LRRC4C: variants seen among roughly 807,000 people sequenced by gnomAD.
LRRC4C encodes the protein leucine rich repeat containing 4C, also known as leucine-rich repeat-containing protein 4C.
Under a neutral mutation model 33.6 loss-of-function variants are expected in LRRC4C, and 5 were observed. The observed-to-expected ratio is 0.15, with a 90% CI of 0.08 to 0.31. The LOEUF (loss-of-function observed/expected upper bound fraction) is 0.31, where lower values mean the gene tolerates loss of function less well. Among genes scored for constraint, LRRC4C ranks in the 10% least tolerant of loss-of-function variants. LRRC4C has a pLI of 1.00. For missense variants in LRRC4C, 560 were observed against 796.7 expected, an observed-to-expected ratio of 0.70 and a Z score of 3.58; for synonymous variants, 329 against 302.0, an observed-to-expected ratio of 1.09 and a Z score of -0.93.
At chr11:41,178,785 C>T (rs1590851265) in intron 1 of LRRC4C, among the ~76,000 whole-genome samples, 1 of 152,214 alleles carries the variant, frequency 6.6e-6, no homozygotes, top group Non-Finnish European at 1.5e-5. Flanking sequence ...GTCACTGCAA[C>T]TTCTGCCTCC....
At chr11:40,149,601 T>C (rs535539257) in intron 5 of LRRC4C, among the ~76,000 whole-genome samples, 9 of 152,302 alleles carry the variant, frequency 5.9e-5, no homozygotes, top group African/African-American at 1.9e-4. Flanking sequence ...ACTATGGGGC[T>C]TTCCAGATAC....
At chr11:40,551,715 G>C (rs1328515448) in intron 3 of LRRC4C, among the ~76,000 whole-genome samples, 1 of 151,906 alleles carries the variant, frequency 6.6e-6, no homozygotes, top group Non-Finnish European at 1.5e-5. Context: ...ACTTCATCTG[G>C]TAGAATATAA....
At chr11:40,392,932 G>T (rs755217483) in intron 3 of LRRC4C, among the ~76,000 whole-genome samples, 29 of 152,204 alleles carry the variant, frequency 1.9e-4, no homozygotes, top group Middle Eastern at 3.4e-3. Context: ...CTCAGTTCTT[G>T]TCTTGGAGGA....
chr11:41,061,508 TGG>T (rs1937764228), intron 1 of LRRC4C, among the ~76,000 whole-genome samples: 1 of 152,162 alleles, frequency 6.6e-6, no homozygotes, highest in Admixed American at 6.5e-5. Context: ...ACTGTGACAC[TGG>T]GGGTGAGGGG....
intron 2 of LRRC4C, among the ~76,000 whole-genome samples, chr11:40,673,809 A>G (rs1056453183): frequency 7.2e-5 from 11 of 152,166 alleles, no homozygotes; most frequent in African/African-American, 2.7e-4. Context: ...TCCTCATTAC[A>G]TGGTTTGAGA....
intron 3 of LRRC4C, among the ~76,000 whole-genome samples, chr11:40,583,844 A>C (rs918624296): frequency 4.6e-5 from 7 of 151,926 alleles, no homozygotes; most frequent in African/African-American, 1.4e-4. Context: ...CATAATAATG[A>C]ATATGCAAGC....
intron 1 of LRRC4C, among the ~76,000 whole-genome samples, chr11:41,311,370 C>G (rs1565571295): frequency 6.6e-6 from 1 of 151,868 alleles, no homozygotes; most frequent in Non-Finnish European, 1.5e-5. Flanking sequence ...ATTTAAGCTT[C>G]TTCATTATTT....
At chr11:41,196,082 C>T (rs1946166999) in intron 1 of LRRC4C, among the ~76,000 whole-genome samples, 1 of 152,046 alleles carries the variant, frequency 6.6e-6, no homozygotes, top group Non-Finnish European at 1.5e-5. Flanking sequence ...GGGGCAATCT[C>T]TGTAGTTAAT....
intron 3 of LRRC4C, among the ~76,000 whole-genome samples, chr11:40,514,220 T>C (rs2135165284): frequency 6.6e-6 from 1 of 152,306 alleles, no homozygotes; most frequent in South Asian, 2.1e-4. Context: ...AATACTTTTA[T>C]TTAATAACAA....
At chr11:40,323,796 C>A (rs560302325) in intron 3 of LRRC4C, among the ~76,000 whole-genome samples, 1 of 151,966 alleles carries the variant, frequency 6.6e-6, no homozygotes, top group South Asian at 2.1e-4. Flanking sequence ...GAGGTAGTAG[C>A]GTATACAAAC....
chr11:40,827,824 T>C (rs746235973), intron 2 of LRRC4C, among the ~76,000 whole-genome samples: 1 of 151,800 alleles, frequency 6.6e-6, no homozygotes, highest in Non-Finnish European at 1.5e-5. Flanking sequence ...ACATATTTCA[T>C]CTATCAAGTG....
intron 1 of LRRC4C, among the ~76,000 whole-genome samples, chr11:40,951,796 G>A (rs1443047404): frequency 6.6e-6 from 1 of 151,868 alleles, no homozygotes; most frequent in Non-Finnish European, 1.5e-5. Context: ...AAGAAGACTA[G>A]GAGTAATAAA....
chr11:40,959,582 A>G (rs1959109888), intron 1 of LRRC4C, among the ~76,000 whole-genome samples: 1 of 151,786 alleles, frequency 6.6e-6, no homozygotes, highest in African/African-American at 2.4e-5. Flanking sequence ...ACTTTATACT[A>G]AATGACTCCT....
intron 1 of LRRC4C, among the ~76,000 whole-genome samples, chr11:41,059,333 A>C (rs1355187381): frequency 6.6e-6 from 1 of 151,860 alleles, no homozygotes; most frequent in African/African-American, 2.4e-5. Context: ...AAGGAAGATG[A>C]GAAAGATAAA....
chr11:40,767,883 T>A (rs973744459), intron 2 of LRRC4C, among the ~76,000 whole-genome samples: 4 of 151,578 alleles, frequency 2.6e-5, no homozygotes, highest in African/African-American at 9.7e-5. Flanking sequence ...AAACTTCCAA[T>A]AAACAACTTA....
At chr11:40,325,667 T>C (rs1374659084) in intron 3 of LRRC4C, among the ~76,000 whole-genome samples, 2 of 152,016 alleles carry the variant, frequency 1.3e-5, no homozygotes, top group East Asian at 1.9e-4. Context: ...GCTAGGATTA[T>C]ATTAAAAAGT....
intron 3 of LRRC4C, among the ~76,000 whole-genome samples, chr11:40,606,611 A>G (rs949361675): frequency 5.9e-5 from 9 of 152,180 alleles, no homozygotes; most frequent in African/African-American, 2.2e-4. Context: ...CAAAATAACC[A>G]TCATAAGGAT....
rs969974 is a variant in LRRC4C at position 40,936,687 on chromosome 11, G to C, written c.-495-2964C>G. On this transcript the variant is annotated intron_variant, in intron 1 of 6. Coordinates refer to ENST00000528697, the MANE Select transcript of LRRC4C (RefSeq NM_001258419.2). ...CATACATCAGGCACTACATTAACTG[G>C]TAACATCATGTATTATTTTATTTAA... 7.4e-4 allele frequency among the ~76,000 whole-genome samples: 112 copies of C among 151,908 alleles called. 1 individual carries two copies. In the East Asian group the frequency reaches 0.019, roughly 26 times the overall value.
chr11:40,720,836 C>A (rs1281280727), intron 2 of LRRC4C, among the ~76,000 whole-genome samples: 1 of 152,056 alleles, frequency 6.6e-6, no homozygotes, highest in Non-Finnish European at 1.5e-5. Flanking sequence ...TATTCATGAG[C>A]AAAGAGTATA....
Sources: gnomAD v4.1 joint callset for allele counts (sites outside exome capture counted in the v4.1 genomes callset) on GRCh38, gnomAD v4.1.1 for gene constraint, MANE v1.5 for transcripts, NCBI Gene and HGNC (gene_info 2026-07-23, HGNC 2026-07-21) for gene names.